The following FDXACB1 variants were observed in gnomAD, a reference collection of about 807,000 sequenced individuals.
FDXACB1 encodes ferredoxin-fold anticodon binding domain containing 1, also known as ferredoxin-fold anticodon-binding domain-containing protein 1.
A neutral mutation model predicts 51.7 loss-of-function variants in FDXACB1; 41 were observed. The ratio of observed to expected loss-of-function variants is 0.79; its 90% CI spans 0.62 to 1.03. The LOEUF is 1.03. Among genes scored for constraint, FDXACB1 ranks in the 50% least tolerant of loss-of-function variants. The pLI, the probability that FDXACB1 is intolerant of heterozygous loss-of-function variation, is 0.00. For synonymous variants in FDXACB1, 273 were observed against 278.6 expected (o/e 0.98, Z 0.20); for missense variants, 697 against 746.4 (o/e 0.93, Z 0.77).
intron 2 of FDXACB1, 147 bp from the exon 3 acceptor site, chr11:111,877,158 CA>C: frequency 1.3e-6 from 1 of 760,854 alleles, no homozygotes; most frequent in East Asian, 2.7e-5. Flanking sequence ...TCAAAAAATG[CA>C]AAGAAAGTAG....
Position 111,875,695 on chromosome 11 carries a change from A to T in FDXACB1, c.1102T>A (p.Ser368Thr). ...ACAGGTCCACTGAGGATGTGCAGAG[A>T]ACCTGAGAGGAAGTCTGGTACTTCG... ...VIEVPDFLSGSLHILSGPVFQ... is the reference protein window; with the variant it reads ...VIEVPDFLSGTLHILSGPVFQ... Residue 368 changes from serine to threonine, a missense_variant, in exon 5 of 5, where the codon TCT becomes ACT. By Grantham distance (58) the Ser-to-Thr change is moderately conservative. This residue lies in a region of FDXACB1 where 538 missense variants were observed against 592.2 expected (regional missense o/e 0.91). Transcript: ENST00000260257. 6.2e-7 allele frequency: 1 copy of T among 1,613,582 alleles called. No homozygotes were observed. Among genetic ancestry groups the T allele is most frequent in the Non-Finnish European group, 8.5e-7 (1 of 1,179,864 alleles).
In FDXACB1 at chr11:111,875,087, T is replaced by C; in HGVS notation, c.1710A>G (p.Ile570Met). The C allele has an allele frequency of 6.2e-7, 1 of 1,613,932 alleles. No homozygotes were observed. The highest frequency in any genetic ancestry group is 8.5e-7 in the Non-Finnish European group (1 of 1,179,878). ...GATGCTGGAAACGGCTAAGAAACTG[T>C]ATGGATATAATAGTGTCCTGAGACA... ...RAVSQDTIIS[I>M]QFLSRFQHPK... The change falls in exon 5 of 5, where the codon ATA becomes ATG. Residue 570 changes from isoleucine (I) to methionine (M), a missense_variant. By Grantham distance (10) the Ile-to-Met change is conservative. Transcript: ENST00000260257.
rs1332070975 is a variant in FDXACB1 at position 111,876,006 on chromosome 11, C to G, written c.791G>C (p.Cys264Ser). The G allele has an allele frequency of 2.5e-6, 4 of 1,613,992 alleles. No individual in the cohort carries two copies. In the East Asian group the frequency reaches 8.9e-5, roughly 36 times the overall value. Residue 264 changes from cysteine (C) to serine (S), a missense_variant, in exon 5 of 5, where the codon TGT (cysteine) becomes TCT (serine). Around this residue, in one of 3 missense-constraint regions of FDXACB1, gnomAD observed 538 missense variants for 592.2 expected, o/e 0.91. Transcript: ENST00000260257. ...TTCCTGTGGCAGCAAAGGGTAGGAA[C>G]ACTTCAGCCTTTTTAGCGGGAAAAC... ...GKVFPLKRLK[C>S]SYPLLPQEGT...
chr11:111,875,928 C>G lies in FDXACB1; in HGVS notation c.869G>C (p.Trp290Ser). 6.2e-7 allele frequency: 1 copy of G among 1,613,892 alleles called. No homozygotes were observed. The highest frequency in any genetic ancestry group is 8.5e-7 in the Non-Finnish European group (1 of 1,179,890). The change falls in exon 5 of 5, where the codon TGG becomes TCG. Residue 290 changes from tryptophan (W) to serine (S), a missense_variant. Transcript: ENST00000260257. ...TGAGTTATCTTCATGGAGACTAATC[C>G]AAAAAGCAGCTGACAGAAAGTCACA... is the stretch of plus-strand genomic sequence containing the variant. ...WNCDFLSAAF[W>S]ISLHEDNSNS...
chr11:111,875,585 C>A lies in FDXACB1; in HGVS notation c.1212G>T (p.Lys404Asn), dbSNP rs782766959. The part of the protein sequence containing the change: ...LFILGVNQNL[K>N]DGCLQSLLDH... ...CCAGCAGTGATTGAAGACAGCCATC[C>A]TTCAGATTTTGATTAACCCCAAGGA... The change falls in exon 5 of 5, where the codon AAG becomes AAT. Residue 404 changes from lysine to asparagine, a missense_variant. Transcript: ENST00000260257. 1.4e-4 allele frequency: 218 copies of A among 1,611,852 alleles called. No individual in the cohort carries two copies. Among genetic ancestry groups the A allele is most frequent in the Non-Finnish European group, 1.8e-4 (216 of 1,179,616 alleles).
At chr11:111,878,861 G>A (rs1345104499) in intron 1 of FDXACB1, 100 bp downstream of exon 1, 2 of 1,527,126 alleles carry the variant, frequency 1.3e-6, no homozygotes, top group South Asian at 2.4e-5. Context: ...GGACGATCAA[G>A]AACAATCTCC....
chr11:111,878,507 G>A (rs782520069), intron 2 of FDXACB1, 49 bp downstream of exon 2: 1 of 1,522,348 alleles, frequency 6.6e-7, no homozygotes, highest in Non-Finnish European at 8.8e-7. Context: ...CAGTAACTAT[G>A]TTATGGACAT....
At position 111,876,555 on chromosome 11, in the gene FDXACB1, T is replaced by C. The variant is rs1329315990; in HGVS notation, c.618A>G (p.Arg206=). 15 of 1,614,054 alleles carry C rather than the reference T, an allele frequency of 9.3e-6. No homozygotes were observed. The highest frequency in any genetic ancestry group is 1.3e-5 in the Non-Finnish European group (15 of 1,179,896). ...GGTTACCCAGTTTGATCCTGAAGAT[T>C]CTGGGTTGAGAACCTTCAAAAGGTA... ...RSLPFEGSQP[R]IFRIKLGNQW... Residue 206 remains arginine, a synonymous_variant, in exon 4 of 5, where the codon AGA becomes AGG. Coordinates refer to ENST00000260257, the MANE Select transcript of FDXACB1 (RefSeq NM_138378.3).
chr11:111,874,992 T>C lies in FDXACB1; in HGVS notation c.1805A>G (p.Gln602Arg). 1.2e-6 allele frequency: 2 copies of C among 1,614,000 alleles called. No homozygotes were observed. Among genetic ancestry groups the C allele is most frequent in the Non-Finnish European group, 1.7e-6 (2 of 1,179,882 alleles). ...CTGGGACTGCATTGATGCTACTTGC[T>C]GCTGGGTGAGGGCCTTGTCACAGGT... Reference protein sequence around the residue: ...YQTCDKALTQQQVASMQSQFR... With the variant: ...YQTCDKALTQRQVASMQSQFR... The change falls in exon 5 of 5, where the codon CAG becomes CGG. Residue 602 changes from glutamine to arginine, a missense_variant. By Grantham distance (43) the Gln-to-Arg change is conservative (BLOSUM62 1). Coordinates refer to ENST00000260257, the MANE Select transcript of FDXACB1 (RefSeq NM_138378.3).
At chr11:111,878,815 T>A in intron 1 of FDXACB1, 103 bp from the exon 2 acceptor site, 1 of 1,507,446 alleles carries the variant, frequency 6.6e-7, no homozygotes, top group East Asian at 2.4e-5. Flanking sequence ...CCAGCCCAAG[T>A]CTGGGCACAA....
chr11:111,876,704 G>A, intron 3 of FDXACB1, 65 bp from the exon 4 acceptor site: 1 of 1,584,362 alleles, frequency 6.3e-7, no homozygotes, highest in South Asian at 1.1e-5. Flanking sequence ...TTTAGAGACC[G>A]AATCAATTAA....
chr11:111,875,973 C>T lies in FDXACB1; in HGVS notation c.824G>A (p.Ser275Asn). The T allele has an allele frequency of 6.2e-7, 1 of 1,613,980 alleles. No individual in the cohort carries two copies. Among genetic ancestry groups the T allele is most frequent in the Non-Finnish European group, 8.5e-7 (1 of 1,179,892 alleles). The change falls in exon 5 of 5, where the codon AGT becomes AAT. Residue 275 changes from serine (S) to asparagine (N), a missense_variant. This residue lies in a region of FDXACB1 where 538 missense variants were observed against 592.2 expected (regional missense o/e 0.91). Coordinates refer to ENST00000260257, the MANE Select transcript of FDXACB1 (RefSeq NM_138378.3). The part of the protein sequence containing the change: ...SYPLLPQEGT[S>N]VLPFWNCDFL... ...GTCACAATTCCAGAAAGGAAGAACA[C>T]TGGTACCTTCCTGTGGCAGCAAAGG... is the stretch of plus-strand genomic sequence containing the variant.
chr11:111,878,693 A>T lies in FDXACB1; in HGVS notation c.192T>A (p.Gly64=). 6.2e-7 allele frequency: 1 copy of T among 1,610,910 alleles called. No homozygotes were observed. Among genetic ancestry groups the T allele is most frequent in the Non-Finnish European group, 8.5e-7 (1 of 1,178,808 alleles). Residue 64 remains glycine (G), a synonymous_variant, in exon 2 of 5, where the codon GGT becomes GGA. Coordinates refer to ENST00000260257, the MANE Select transcript of FDXACB1 (RefSeq NM_138378.3). ...LRERGIDVRF[G]VDCTQLADVF... ...CATCTGCCAGCTGGGTGCAGTCCAC[A>T]CCGAAACGTACATCGATACCTGGCA...
chr11:111,876,151 ATAAT>A (rs781935750), intron 4 of FDXACB1, 47 bp from the exon 5 acceptor site: 2 of 1,385,654 alleles, frequency 1.4e-6, no homozygotes, highest in East Asian at 4.6e-5. Context: ...AAGATAGTAA[ATAAT>A]TATAATGTAG....
Position 111,878,594 on chromosome 11 carries a change from T to C in FDXACB1, c.291A>G (p.Val97=), listed in dbSNP as rs1555162548. ...IFPHCGRKAG[V]AKNRELLAKF... is the part of the protein sequence containing the mutation. ...TGGCAAGCAGTTCCCTGTTCTTAGC[T>C]ACGCCAGCTTTGCGTCCACAATGCG... Residue 97 remains valine (V), a synonymous_variant, in exon 2 of 5, where the codon GTA becomes GTG. Transcript: ENST00000260257. 1 of 1,601,850 alleles carries C rather than the reference T, an allele frequency of 6.2e-7. No individual in the cohort carries two copies. Among genetic ancestry groups the C allele is most frequent in the East Asian group, 2.2e-5 (1 of 44,626 alleles).
chr11:111,875,667 AAGAC>A lies in FDXACB1; in HGVS notation c.1126_1129del (p.Val376PhefsTer27). 2 of 1,613,560 alleles carry A rather than the reference AAGAC, an allele frequency of 1.2e-6. No homozygotes were observed. The highest frequency in any genetic ancestry group is 1.7e-6 in the Non-Finnish European group (2 of 1,179,870). On this transcript the variant is annotated frameshift_variant, in exon 5 of 5. Transcript: ENST00000260257. LOFTEE classifies it high-confidence loss of function. ...GAAAGGCAAAATGTGGCACTTCTGA[AAGAC>A]AGGTCCACTGAGGATGTGCAGAGAA...
intron 1 of FDXACB1, 51 bp from the exon 2 acceptor site, chr11:111,878,763 G>T: frequency 6.4e-7 from 1 of 1,570,844 alleles, no homozygotes; most frequent in Non-Finnish European, 8.6e-7. Context: ...GATGCCTCAA[G>T]ACATGGAACA....
chr11:111,878,907 C>G, intron 1 of FDXACB1, 54 bp downstream of exon 1: 2 of 1,556,758 alleles, frequency 1.3e-6, no homozygotes, highest in Non-Finnish European at 1.7e-6. Flanking sequence ...ACCCTTTCCA[C>G]TTTGGGACGC....
chr11:111,875,600 A>C lies in FDXACB1; in HGVS notation c.1197T>G (p.Val399=), dbSNP rs1555161988. 1 of 1,612,742 alleles carries C rather than the reference A, an allele frequency of 6.2e-7. No homozygotes were observed. Among genetic ancestry groups the C allele is most frequent in the Admixed American group, 1.7e-5 (1 of 59,796 alleles). The change falls in exon 5 of 5, where the codon GTT becomes GTG. Residue 399 remains valine, a synonymous_variant. Coordinates refer to ENST00000260257, the MANE Select transcript of FDXACB1 (RefSeq NM_138378.3). ...GACAGCCATCCTTCAGATTTTGATT[A>C]ACCCCAAGGATAAATAAAGTTTCAT... is the stretch of plus-strand genomic sequence containing the variant. ...AFHETLFILG[V]NQNLKDGCLQ...
Sources: gnomAD v4.1 joint callset for allele counts on GRCh38, gnomAD v4.1.1 for gene constraint, gnomAD v4.1.1 regional missense constraint, MANE v1.5 for transcripts, NCBI Gene and HGNC (gene_info 2026-07-23, HGNC 2026-07-21) for gene names.